GMDS: variants seen among roughly 807,000 people sequenced by gnomAD.
GMDS encodes the protein GDP-mannose 4,6-dehydratase, also known as GDP-mannose 4,6 dehydratase.
In GMDS, 20 loss-of-function variants were observed where a neutral mutation model predicts 49.9. The observed-to-expected ratio is 0.40, with a 90% confidence interval of 0.28 to 0.58. The LOEUF is 0.58. Among genes scored for constraint, GMDS ranks in the 20% least tolerant of loss-of-function variants. The probability of loss-of-function intolerance (pLI) is 0.42; values close to 1 mark genes in which losing one functional copy is unlikely to be tolerated. For missense variants in GMDS, 362 were observed against 481.4 expected (o/e 0.75, Z 2.32); for synonymous variants, 177 against 178.6 (o/e 0.99, Z 0.07).
At chr6:1,650,975 A>G (rs1033309095) in intron 9 of GMDS, among the ~76,000 whole-genome samples, 9 of 152,230 alleles carry the variant, frequency 5.9e-5, no homozygotes, top group African/African-American at 1.9e-4. Flanking sequence ...GATGAATGAA[A>G]CAGAAAAGTA....
chr6:1,754,778 C>T (rs1480700401), intron 7 of GMDS, among the ~76,000 whole-genome samples: 3 of 152,146 alleles, frequency 2.0e-5, no homozygotes, highest in African/African-American at 7.2e-5. Flanking sequence ...TGACAAAACC[C>T]ACATGATTAT....
intron 9 of GMDS, among the ~76,000 whole-genome samples, chr6:1,700,037 T>G (rs183353928): frequency 3.6e-4 from 55 of 152,214 alleles, no homozygotes; most frequent in African/African-American, 1.3e-3. Context: ...AGGGAGATAT[T>G]TTTGCATTCT....
In GMDS at chr6:1,905,908, ACG is replaced by A. The variant is rs200906219; in HGVS notation, c.771+24193_771+24194del. On this transcript the variant is annotated intron_variant, in intron 7 of 10. Coordinates refer to ENST00000380815, the MANE Select transcript of GMDS (RefSeq NM_001500.4). ...ATAACCCCATAGGCCATCTGGGAAC[ACG>A]TATGCAGGTGTCCCTGAGAAGGAGC... is the stretch of plus-strand genomic sequence containing the variant. Among the ~76,000 whole-genome samples, 126 of 73,298 alleles carry A rather than the reference ACG, an allele frequency of 1.7e-3. 14 individuals are homozygous for A. The highest frequency in any genetic ancestry group is 0.014 in the Middle Eastern group (2 of 144). 48.1% of individuals were successfully genotyped at this position (73,298 alleles called of 152,430 possible). A position where few individuals can be genotyped will look rare whatever the true frequency, so the allele number is the denominator to read the frequency against.
At chr6:1,947,792 C>G (rs535267687) in intron 6 of GMDS, among the ~76,000 whole-genome samples, 1 of 152,336 alleles carries the variant, frequency 6.6e-6, no homozygotes, top group South Asian at 2.1e-4. Flanking sequence ...CATTATTCTT[C>G]TAGCATTTAA....
At chr6:1,672,732 G>A (rs745808559) in intron 9 of GMDS, among the ~76,000 whole-genome samples, 1 of 152,202 alleles carries the variant, frequency 6.6e-6, no homozygotes, top group Non-Finnish European at 1.5e-5. Flanking sequence ...AGGTTTGCCA[G>A]AGAATCTAAG....
At chr6:1,909,807 A>G (rs1188641569) in intron 7 of GMDS, among the ~76,000 whole-genome samples, 1 of 151,506 alleles carries the variant, frequency 6.6e-6, no homozygotes. Context: ...TACAGTGCTT[A>G]TCCATCAAGA....
intron 6 of GMDS, among the ~76,000 whole-genome samples, chr6:1,953,836 A>C (rs1411053733): frequency 6.6e-6 from 1 of 152,144 alleles, no homozygotes; most frequent in Non-Finnish European, 1.5e-5. Context: ...AATTAAAAAA[A>C]CCTCTCAATA....
intron 1 of GMDS, among the ~76,000 whole-genome samples, chr6:2,173,558 T>C (rs1335022612): frequency 6.6e-6 from 1 of 152,250 alleles, no homozygotes; most frequent in Non-Finnish European, 1.5e-5. Flanking sequence ...TTTTTCTTTG[T>C]ATAATTAATT....
At chr6:1,692,932 T>C (rs375558716) in intron 9 of GMDS, among the ~76,000 whole-genome samples, 2 of 152,258 alleles carry the variant, frequency 1.3e-5, no homozygotes, top group African/African-American at 4.8e-5. Flanking sequence ...TAATTTTTTA[T>C]TGGATGCCAT....
chr6:2,077,570 G>A (rs779756392), intron 4 of GMDS, among the ~76,000 whole-genome samples: 11 of 151,986 alleles, frequency 7.2e-5, no homozygotes, highest in Admixed American at 2.0e-4. Context: ...TTCTGCTTAC[G>A]TGATGTATCA....
chr6:1,906,123 T>C (rs1468877806), intron 7 of GMDS, among the ~76,000 whole-genome samples: 1 of 152,218 alleles, frequency 6.6e-6, no homozygotes, highest in African/African-American at 2.4e-5. Context: ...CTTTGTTGAT[T>C]AGTCTTAAAG....
chr6:1,634,484 C>T (rs1018559354), intron 9 of GMDS, among the ~76,000 whole-genome samples: 6 of 152,150 alleles, frequency 3.9e-5, no homozygotes, highest in Admixed American at 3.3e-4. Context: ...ACATTTTTAC[C>T]ATACTCTTGT....
At chr6:2,232,265 A>G (rs1781144016) in intron 1 of GMDS, among the ~76,000 whole-genome samples, 1 of 152,094 alleles carries the variant, frequency 6.6e-6, no homozygotes, top group Admixed American at 6.6e-5. Context: ...TTACCAGTCT[A>G]TGTAAAATCT....
chr6:2,144,401 G>A (rs530773672), intron 1 of GMDS, among the ~76,000 whole-genome samples: 1 of 152,314 alleles, frequency 6.6e-6, no homozygotes, highest in East Asian at 1.9e-4. Context: ...GAGGAGGAGA[G>A]AACTAGGCCA....
At chr6:1,800,549 G>A (rs559757146) in intron 7 of GMDS, among the ~76,000 whole-genome samples, 3 of 152,094 alleles carry the variant, frequency 2.0e-5, no homozygotes, top group Non-Finnish European at 4.4e-5. Context: ...TGTTTCTCCT[G>A]CCTCAGCCTC....
At position 1,778,122 on chromosome 6, in the gene GMDS, C is replaced by A. The variant is rs184084993; in HGVS notation, c.772-35536G>T. Among the ~76,000 whole-genome samples the A allele has an allele frequency of 1.1e-3, 171 of 152,238 alleles. No individual in the cohort carries two copies. Among genetic ancestry groups the A allele is most frequent in the Non-Finnish European group, 2.0e-3 (133 of 68,016 alleles). Reference sequence around the variant, plus strand: ...ATTTTGATAGAGTGCCAAAACAGTACTGCATTCCTTAAAGAGCTGAATAAA... The same window carrying A: ...ATTTTGATAGAGTGCCAAAACAGTAATGCATTCCTTAAAGAGCTGAATAAA... On this transcript the variant is annotated intron_variant, in intron 7 of 10. Transcript: ENST00000380815. This position sits in a 1 kb window ranked among gnomAD's most constrained non-coding sequence, Gnocchi z 4.6.
In GMDS at chr6:2,070,392, C is replaced by A. The variant is rs138872330; in HGVS notation, c.345+45379G>T. On this transcript the variant is annotated intron_variant, in intron 4 of 10. Transcript: ENST00000380815. Reference sequence around the variant, plus strand: ...ATGTAACTAACCTGCACATTGTGCACATGTACCGTAAAACCTAAAGTATAA... The same window carrying A: ...ATGTAACTAACCTGCACATTGTGCAAATGTACCGTAAAACCTAAAGTATAA... Among the ~76,000 whole-genome samples the A allele has an allele frequency of 4.5e-3, 683 of 151,812 alleles. 3 individuals are homozygous for A. The highest frequency in any genetic ancestry group is 0.016 in the African/African-American group (667 of 41,364).
chr6:2,208,575 G>A (rs900930050), intron 1 of GMDS, among the ~76,000 whole-genome samples: 3 of 152,170 alleles, frequency 2.0e-5, no homozygotes, highest in African/African-American at 7.2e-5. Context: ...GGTACTGATG[G>A]AGGCCCACAT....
chr6:1,696,762 A>C (rs1765356989), intron 9 of GMDS, among the ~76,000 whole-genome samples: 1 of 152,246 alleles, frequency 6.6e-6, no homozygotes, highest in Non-Finnish European at 1.5e-5. Flanking sequence ...AGCTAGGTCC[A>C]CTGCCTTCCA....
Sources: allele counts gnomAD v4.1 joint callset (sites outside exome capture counted in the v4.1 genomes callset), GRCh38; gene constraint gnomAD v4.1.1; non-coding constraint Gnocchi (gnomAD v3.1); transcripts MANE v1.5; gene names NCBI Gene and HGNC (gene_info 2026-07-23, HGNC 2026-07-21).